Variants in UMAD1 observed in about 807,000 individuals in gnomAD.
UMAD1 encodes the protein UBAP1-MVB12-associated (UMA)-domain containing protein 1.
UMAD1 carries 8 observed loss-of-function variants against 6.1 expected under a neutral mutation model. The ratio of observed to expected loss-of-function variants is 1.30; its 90% CI spans 0.76 to 2.35. The LOEUF (loss-of-function observed/expected upper bound fraction) is 2.35. Among genes scored for constraint, UMAD1 ranks in the 30% most tolerant of loss-of-function variants. The pLI is 0.00. For missense variants in UMAD1, 130 were observed against 78.4 expected (o/e 1.66, Z -2.49); for synonymous variants, 56 against 31.4 (o/e 1.78, Z -2.61).
rs371649097 is a variant in UMAD1, at chr7:7,712,452, CTTTT to C, written c.82+39002_82+39005del. Among the ~76,000 whole-genome samples, 46 of 152,062 alleles carry C rather than the reference CTTTT, an allele frequency of 3.0e-4. 3 individuals are homozygous for C. The South Asian group carries it at 9.3e-3, about 31-fold the overall frequency. On this transcript the variant is annotated intron_variant, in intron 2 of 3. Transcript: ENST00000682710. ...TTTTGTCAGATTTATTCTTAGAGTG[CTTTT>C]TTGTTTTATTATTATAGTAAATATT...
intron 2 of UMAD1, among the ~76,000 whole-genome samples, chr7:7,786,247 G>C (rs947947354): frequency 6.6e-6 from 1 of 152,136 alleles, no homozygotes; most frequent in African/African-American, 2.4e-5. Flanking sequence ...TGGTTCCTCA[G>C]TGTTTCCATG....
intron 3 of UMAD1, among the ~76,000 whole-genome samples, chr7:7,836,587 T>C (rs1434721837): frequency 1.3e-5 from 2 of 151,940 alleles, no homozygotes; most frequent in Admixed American, 1.3e-4. Flanking sequence ...ATATCTCATA[T>C]AACACAAACT....
At chr7:7,810,136 G>A (rs183658963) in intron 3 of UMAD1, among the ~76,000 whole-genome samples, 14 of 152,100 alleles carry the variant, frequency 9.2e-5, no homozygotes, top group African/African-American at 3.1e-4. Context: ...GTACAAAATG[G>A]TATATAATAA....
In UMAD1 at chr7:7,640,810, G is replaced by C. The variant is rs540630676; in HGVS notation, c.-75G>C. ...GTGCTGGTGCGGCGGGGGACTGCGG[G>C]GCCAGCCTCAGGTACCTCGTCTCGC... On this transcript the variant is annotated 5_prime_UTR_variant, in exon 1 of 4. Coordinates refer to ENST00000682710, the MANE Select transcript of UMAD1 (RefSeq NM_001302348.2). 2.7e-4 allele frequency: 56 copies of C among 204,924 alleles called. No individual in the cohort carries two copies. Among genetic ancestry groups the C allele is most frequent in the Non-Finnish European group, 2.9e-4 (29 of 98,816 alleles). 12.7% of individuals were successfully genotyped at this position (204,924 alleles called of 1,614,324 possible).
intron 3 of UMAD1, among the ~76,000 whole-genome samples, chr7:7,815,507 C>G (rs1420059856): frequency 2.0e-5 from 3 of 152,152 alleles, no homozygotes; most frequent in African/African-American, 7.2e-5. Flanking sequence ...GACAAGAAGT[C>G]TCATAGAAGG....
chr7:7,796,149 G>A (rs978305974), intron 2 of UMAD1, among the ~76,000 whole-genome samples: 8 of 151,598 alleles, frequency 5.3e-5, no homozygotes, highest in Admixed American at 5.2e-4. Context: ...CATAAGGCAA[G>A]TGACCTCACA....
chr7:7,699,373 T>C (rs1205910650), intron 2 of UMAD1, among the ~76,000 whole-genome samples: 1 of 152,256 alleles, frequency 6.6e-6, no homozygotes, highest in African/African-American at 2.4e-5. Context: ...GTTAAAAATT[T>C]AATATCCTTA....
chr7:7,727,627 C>A (rs186241502), intron 2 of UMAD1, among the ~76,000 whole-genome samples: 1 of 152,148 alleles, frequency 6.6e-6, no homozygotes, highest in Non-Finnish European at 1.5e-5. Context: ...GCAGACCCAC[C>A]CTTAATCTGG....
At chr7:7,705,171 G>C (rs932412716) in intron 2 of UMAD1, among the ~76,000 whole-genome samples, 3 of 152,110 alleles carry the variant, frequency 2.0e-5, no homozygotes, top group Non-Finnish European at 2.9e-5. Context: ...TCTCAACTTA[G>C]GAATCTTGTT....
chr7:7,831,446 G>A (rs888274234), intron 3 of UMAD1, among the ~76,000 whole-genome samples: 5 of 152,134 alleles, frequency 3.3e-5, no homozygotes, highest in African/African-American at 1.2e-4. Flanking sequence ...TGTCTTTCTG[G>A]GTACCTTTCA....
intron 2 of UMAD1, among the ~76,000 whole-genome samples, chr7:7,721,001 G>C (rs2115183268): frequency 6.6e-6 from 1 of 152,272 alleles, no homozygotes; most frequent in South Asian, 2.1e-4. Context: ...GGGAAATTTG[G>C]ACACAGGGAG....
At chr7:7,712,668 A>G (rs1407276484) in intron 2 of UMAD1, among the ~76,000 whole-genome samples, 2 of 152,148 alleles carry the variant, frequency 1.3e-5, no homozygotes, top group Non-Finnish European at 2.9e-5. Flanking sequence ...GTTTCATTTT[A>G]TCTTTTGGTC....
intron 3 of UMAD1, among the ~76,000 whole-genome samples, chr7:7,816,372 A>G (rs1279896969): frequency 6.6e-6 from 1 of 152,188 alleles, no homozygotes; most frequent in Non-Finnish European, 1.5e-5. Context: ...CAATAACTAT[A>G]TATTGACTTC....
chr7:7,752,858 T>A (rs1343331749), intron 2 of UMAD1, among the ~76,000 whole-genome samples: 1 of 152,188 alleles, frequency 6.6e-6, no homozygotes, highest in Non-Finnish European at 1.5e-5. Flanking sequence ...CCACTTTCTC[T>A]TCTAATTTTG....
chr7:7,765,692 T>C (rs775164380), intron 2 of UMAD1, among the ~76,000 whole-genome samples: 1 of 152,182 alleles, frequency 6.6e-6, no homozygotes, highest in East Asian at 1.9e-4. Context: ...AGCAATACTT[T>C]TGTTGACTGA....
intron 3 of UMAD1, among the ~76,000 whole-genome samples, chr7:7,826,622 A>G (rs1488917912): frequency 6.6e-6 from 1 of 152,174 alleles, no homozygotes; most frequent in Non-Finnish European, 1.5e-5. Flanking sequence ...TTTATATATC[A>G]GATTGCCTCT....
chr7:7,688,359 G>T (rs1780088159), intron 2 of UMAD1, among the ~76,000 whole-genome samples: 1 of 152,104 alleles, frequency 6.6e-6, no homozygotes, highest in South Asian at 2.1e-4. Flanking sequence ...AAAGTAGAAT[G>T]TGAGAACCTT....
At chr7:7,677,132 G>C (rs888918128) in intron 2 of UMAD1, among the ~76,000 whole-genome samples, 3 of 152,030 alleles carry the variant, frequency 2.0e-5, no homozygotes, top group African/African-American at 7.3e-5. Flanking sequence ...GTCCGTAATA[G>C]TTGTATATAT....
intron 3 of UMAD1, among the ~76,000 whole-genome samples, chr7:7,858,490 C>G (rs1215576114): frequency 1.3e-5 from 2 of 152,194 alleles, no homozygotes; most frequent in South Asian, 2.1e-4. Flanking sequence ...TTTTAGGTCA[C>G]TTTGGCAGTT....
Sources: gnomAD v4.1 joint callset for allele counts (sites outside exome capture counted in the v4.1 genomes callset) on GRCh38, gnomAD v4.1.1 for gene constraint, MANE v1.5 for transcripts, NCBI Gene and HGNC (gene_info 2026-07-23, HGNC 2026-07-21) for gene names.